Variants in USH2A observed in about 807,000 individuals in gnomAD.
USH2A encodes the protein usherin, also known as Usher syndrome 2A (autosomal recessive, mild).
Under a neutral mutation model 538.9 loss-of-function variants are expected in USH2A, and 443 were observed. That is an observed-to-expected ratio of 0.82 (90% CI 0.76 to 0.89). The LOEUF (loss-of-function observed/expected upper bound fraction) is 0.89. Among genes scored for constraint, USH2A ranks in the 40% least tolerant of loss-of-function variants. The pLI, the probability that USH2A is intolerant of heterozygous loss-of-function variation, is 0.00. For missense variants in USH2A, 6,633 were observed against 6,324.8 expected (o/e 1.05, Z -1.65); for synonymous variants, 2,413 against 2,273.5 (o/e 1.06, Z -1.75).
In USH2A at chr1:215,967,485, T is replaced by C. The variant is rs148009256; in HGVS notation, c.6958-2006A>G. ...CCTGGCCATAAACTGTTATTCTTAA[T>C]AAAACTCTTGCAATGCGCCAGAAAT... On this transcript the variant is annotated intron_variant, in intron 36 of 71. Coordinates refer to ENST00000307340, the MANE Select transcript of USH2A (RefSeq NM_206933.4). Among the ~76,000 whole-genome samples the C allele has an allele frequency of 1.2e-4, 18 of 152,254 alleles. No homozygotes were observed. In the East Asian group the frequency reaches 3.5e-3, roughly 29 times the overall value.
At chr1:216,273,926 G>C (rs1489600709) in intron 11 of USH2A, among the ~76,000 whole-genome samples, 3 of 151,698 alleles carry the variant, frequency 2.0e-5, no homozygotes, top group Admixed American at 6.6e-5. Flanking sequence ...CAAATCTATA[G>C]TCAGCAACTG....
chr1:215,759,517 A>T, intron 57 of USH2A, 143 bp downstream of exon 57: 1 of 941,974 alleles, frequency 1.1e-6, no homozygotes, highest in South Asian at 1.6e-5. Context: ...ATGATTTAGC[A>T]CTTTCATCAG....
chr1:215,747,398 G>A (rs1660500270), intron 58 of USH2A, among the ~76,000 whole-genome samples: 1 of 151,996 alleles, frequency 6.6e-6, no homozygotes, highest in Non-Finnish European at 1.5e-5. Context: ...CTATTTAAAG[G>A]CTATTCTTCG....
At chr1:216,255,267 T>A (rs893332204) in intron 11 of USH2A, among the ~76,000 whole-genome samples, 7 of 152,170 alleles carry the variant, frequency 4.6e-5, no homozygotes, top group African/African-American at 9.6e-5. Context: ...AGAAATAGCT[T>A]TCATTAGCCT....
At chr1:216,217,123 C>T (rs2035357818) in intron 15 of USH2A, among the ~76,000 whole-genome samples, 1 of 152,060 alleles carries the variant, frequency 6.6e-6, no homozygotes, top group Non-Finnish European at 1.5e-5. Context: ...AAACCTAGGA[C>T]TTTAATCACC....
chr1:216,371,408 T>C (rs1276890361), intron 3 of USH2A, among the ~76,000 whole-genome samples: 2 of 152,222 alleles, frequency 1.3e-5, no homozygotes, highest in African/African-American at 4.8e-5. Context: ...GGTACAGGAT[T>C]GTCACCTTAA....
intron 62 of USH2A, among the ~76,000 whole-genome samples, chr1:215,678,575 C>A (rs1052771943): frequency 6.6e-6 from 1 of 152,230 alleles, no homozygotes. Context: ...CCTGAGCAGG[C>A]ATAATTACAT....
At chr1:215,725,113 A>G (rs1659772638) in intron 61 of USH2A, among the ~76,000 whole-genome samples, 1 of 152,112 alleles carries the variant, frequency 6.6e-6, no homozygotes, top group African/African-American at 2.4e-5. Context: ...GGCTCACTGC[A>G]ACCGTGGCCT....
At chr1:216,173,605 C>T (rs1467698013) in intron 21 of USH2A, among the ~76,000 whole-genome samples, 3 of 152,104 alleles carry the variant, frequency 2.0e-5, no homozygotes, top group Non-Finnish European at 4.4e-5. Context: ...GGAAAACTTC[C>T]CAGACACTGC....
At chr1:216,159,065 T>C (rs1400472804) in intron 21 of USH2A, among the ~76,000 whole-genome samples, 1 of 152,206 alleles carries the variant, frequency 6.6e-6, no homozygotes, top group Admixed American at 6.5e-5. Flanking sequence ...ATTCGACACT[T>C]TTCTAAGTTT....
intron 11 of USH2A, among the ~76,000 whole-genome samples, chr1:216,281,417 T>C (rs968875228): frequency 1.1e-4 from 16 of 152,108 alleles, no homozygotes; most frequent in African/African-American, 3.9e-4. Context: ...TTAAAGCATG[T>C]CTTTCCTTCC....
In USH2A at chr1:216,246,027, C is replaced by T. The variant is rs976636423; in HGVS notation, c.2809+558G>A. On this transcript the variant is annotated intron_variant, in intron 13 of 71. Transcript: ENST00000307340. ...GGAGAGCCATAGATGGGGTCTATCC[C>T]TCTCCCAATTGGGAAAGAGATGGAA... Among the ~76,000 whole-genome samples, 14 of 152,254 alleles carry T rather than the reference C, an allele frequency of 9.2e-5. No individual in the cohort carries two copies. The East Asian group carries it at 1.7e-3, about 19-fold the overall frequency.
intron 38 of USH2A, among the ~76,000 whole-genome samples, chr1:215,928,822 C>A (rs997021837): frequency 6.6e-6 from 1 of 151,990 alleles, no homozygotes; most frequent in African/African-American, 2.4e-5. Flanking sequence ...CACAGCAATA[C>A]CCGAAAGAAT....
intron 21 of USH2A, among the ~76,000 whole-genome samples, chr1:216,121,774 T>A (rs1290585417): frequency 6.6e-6 from 1 of 152,210 alleles, no homozygotes; most frequent in Non-Finnish European, 1.5e-5. Context: ...AGTTAGACTA[T>A]TTGAGGAATA....
At chr1:215,851,552 G>A (rs1179130432) in intron 44 of USH2A, among the ~76,000 whole-genome samples, 5 of 151,980 alleles carry the variant, frequency 3.3e-5, no homozygotes, top group African/African-American at 9.6e-5. Flanking sequence ...TAATTATAAC[G>A]TTACCAACAA....
intron 62 of USH2A, among the ~76,000 whole-genome samples, chr1:215,677,581 CG>C (rs1467816534): frequency 1.3e-5 from 2 of 152,168 alleles, no homozygotes; most frequent in Non-Finnish European, 2.9e-5. Flanking sequence ...TTTCTATACT[CG>C]GGGTGGCTTC....
intron 21 of USH2A, among the ~76,000 whole-genome samples, chr1:216,161,560 T>C (rs2034060280): frequency 6.6e-6 from 1 of 152,084 alleles, no homozygotes; most frequent in Admixed American, 6.6e-5. Flanking sequence ...TTTTTATGCC[T>C]TTTATCATAA....
chr1:215,804,980 T>A (rs28857547), intron 49 of USH2A, among the ~76,000 whole-genome samples: 62,869 of 151,478 alleles, frequency 0.42, 13,920 homozygotes, highest in Admixed American at 0.55. Flanking sequence ...TCATGTTCTT[T>A]GTAGGGACAT....
chr1:216,163,118 T>A (rs301758), intron 21 of USH2A, among the ~76,000 whole-genome samples: 145,378 of 151,824 alleles, frequency 0.96, 69,654 homozygotes, highest in African/African-American at 0.99. Context: ...TGTTGCTATA[T>A]ATTGGCTACA....
Sources: allele counts gnomAD v4.1 joint callset (sites outside exome capture counted in the v4.1 genomes callset), GRCh38; gene constraint gnomAD v4.1.1; transcripts MANE v1.5; gene names NCBI Gene and HGNC (gene_info 2026-07-23, HGNC 2026-07-21).